The following DSCAM variants were observed in gnomAD, a reference collection of about 807,000 sequenced individuals.
The protein encoded by DSCAM is cell adhesion molecule DSCAM.
DSCAM carries 47 observed loss-of-function variants against 217.7 expected under a neutral mutation model. That is an observed-to-expected ratio of 0.22 (90% CI 0.17 to 0.28). The LOEUF (loss-of-function observed/expected upper bound fraction) is 0.28, where lower values mean the gene tolerates loss of function less well. Ranked by LOEUF, DSCAM falls within the 10% of genes least tolerant of loss-of-function variation. DSCAM has a pLI of 1.00. For missense variants in DSCAM, 2,080 were observed against 2,618.3 expected (o/e 0.79, Z 4.49); for synonymous variants, 1,056 against 1,015.3 (o/e 1.04, Z -0.76).
At chr21:40,186,443 G>A (rs374845317) in intron 14 of DSCAM, among the ~76,000 whole-genome samples, 3 of 152,150 alleles carry the variant, frequency 2.0e-5, no homozygotes, top group African/African-American at 7.2e-5. Flanking sequence ...CTGACTAGAG[G>A]CCACTGTGGT....
intron 11 of DSCAM, among the ~76,000 whole-genome samples, chr21:40,266,634 T>TC (rs1315589047): frequency 4.0e-5 from 4 of 99,990 alleles, no homozygotes; most frequent in East Asian, 3.7e-4. Flanking sequence ...ACAAAGATGT[T>TC]TTATATATAT....
chr21:40,480,459 T>G (rs1310868046), intron 3 of DSCAM, among the ~76,000 whole-genome samples: 2 of 152,210 alleles, frequency 1.3e-5, no homozygotes, highest in Non-Finnish European at 2.9e-5. Flanking sequence ...CACATTAAGT[T>G]CTATGCATAA....
intron 20 of DSCAM, among the ~76,000 whole-genome samples, chr21:40,099,563 A>G (rs1006789118): frequency 6.6e-6 from 1 of 152,206 alleles, no homozygotes; most frequent in African/African-American, 2.4e-5. Context: ...GAAAGTTGAT[A>G]ACTGAACAAT....
At chr21:40,608,247 G>A (rs1273413310) in intron 3 of DSCAM, among the ~76,000 whole-genome samples, 4 of 152,170 alleles carry the variant, frequency 2.6e-5, no homozygotes, top group Non-Finnish European at 4.4e-5. Flanking sequence ...ATTTTGAAAT[G>A]CCATAGCAGT....
At chr21:40,234,920 T>C (rs774523154) in intron 11 of DSCAM, among the ~76,000 whole-genome samples, 8 of 152,148 alleles carry the variant, frequency 5.3e-5, no homozygotes, top group Non-Finnish European at 1.2e-4. Context: ...CGTAAGCATA[T>C]CAGGGCATTA....
At chr21:40,273,564 C>G (rs1478895549) in intron 11 of DSCAM, among the ~76,000 whole-genome samples, 1 of 152,226 alleles carries the variant, frequency 6.6e-6, no homozygotes, top group Non-Finnish European at 1.5e-5. Context: ...CCTATCTAGC[C>G]TCAACAGTCC....
At chr21:40,063,244 C>T (rs886259685) in intron 27 of DSCAM, among the ~76,000 whole-genome samples, 64 of 152,146 alleles carry the variant, frequency 4.2e-4, no homozygotes, top group Admixed American at 3.9e-3. Context: ...ATATCATTTA[C>T]GTTGAACAAA....
intron 1 of DSCAM, among the ~76,000 whole-genome samples, chr21:40,828,300 A>C (rs994681518): frequency 6.6e-6 from 1 of 152,212 alleles, no homozygotes; most frequent in African/African-American, 2.4e-5. Flanking sequence ...GGAGATGTGG[A>C]ATTCTGGACA....
At chr21:40,843,874 T>C (rs1365858299) in intron 1 of DSCAM, among the ~76,000 whole-genome samples, 5 of 151,500 alleles carry the variant, frequency 3.3e-5, no homozygotes. Context: ...GTACTTCTGA[T>C]ACATCAATAA....
chr21:40,517,049 T>C (rs2076306513), intron 3 of DSCAM, among the ~76,000 whole-genome samples: 1 of 147,996 alleles, frequency 6.8e-6, no homozygotes, highest in East Asian at 2.0e-4. Flanking sequence ...ATATACCTTA[T>C]ATACTCTGTG....
chr21:40,292,500 C>CAA lies in DSCAM; in HGVS notation c.2182+3553_2182+3554dup, dbSNP rs202072553. 4.5e-4 allele frequency among the ~76,000 whole-genome samples: 60 copies of CAA among 133,954 alleles called. No individual in the cohort carries two copies. The South Asian group carries it at 9.9e-3, about 22-fold the overall frequency. 87.9% of individuals were successfully genotyped at this position (133,954 alleles called of 152,430 possible). ...ATTTCTCTATCAGATTGGAAAATGT[C>CAA]AAAAAAAAAAAGCCTAATATCCAGT... On this transcript the variant is annotated intron_variant, in intron 10 of 32. Transcript: ENST00000400454.
In DSCAM at chr21:40,630,908, A is replaced by C. The variant is rs1023641011; in HGVS notation, c.508+61902T>G. 14 of 152,210 alleles carry C rather than the reference A, an allele frequency of 9.2e-5. 1 individual carries two copies. Among genetic ancestry groups the C allele is most frequent in the African/African-American group, 3.4e-4 (14 of 41,438 alleles). The allele number at this position is 152,210 out of a possible 1,614,324, so 9.4% of individuals were successfully genotyped here. On this transcript the variant is annotated intron_variant, in intron 3 of 32. Transcript: ENST00000400454. ...GAATGGGCTCAGAGGCTATGAAACG[A>C]AGTCCCCGCTTGAAGAATTCAGGTC...
intron 10 of DSCAM, among the ~76,000 whole-genome samples, chr21:40,279,898 T>C (rs2073736788): frequency 6.6e-6 from 1 of 151,488 alleles, no homozygotes; most frequent in South Asian, 2.1e-4. Context: ...CACTCATAAG[T>C]AGGAATTGAA....
chr21:40,728,883 A>G (rs1004942584), intron 1 of DSCAM, among the ~76,000 whole-genome samples: 1 of 152,126 alleles, frequency 6.6e-6, no homozygotes, highest in Non-Finnish European at 1.5e-5. Context: ...GAAATTAGTT[A>G]CCCTGGATTC....
intron 1 of DSCAM, among the ~76,000 whole-genome samples, chr21:40,717,427 G>A (rs917568501): frequency 6.6e-6 from 1 of 152,250 alleles, no homozygotes; most frequent in African/African-American, 2.4e-5. Flanking sequence ...GGTGGAAACA[G>A]CCTACATGTC....
intron 31 of DSCAM, among the ~76,000 whole-genome samples, chr21:40,043,766 G>A (rs138161934): frequency 6.6e-6 from 1 of 152,182 alleles, no homozygotes; most frequent in Non-Finnish European, 1.5e-5. Flanking sequence ...CAATCACGGG[G>A]GTGAAAATTT....
intron 3 of DSCAM, among the ~76,000 whole-genome samples, chr21:40,547,031 A>G (rs1554936): frequency 0.45 from 68,786 of 151,852 alleles, 16,710 homozygotes; most frequent in Admixed American, 0.55. Context: ...AAATCCCCTC[A>G]TAACATCAAG....
intron 3 of DSCAM, among the ~76,000 whole-genome samples, chr21:40,397,008 T>C (rs1019763450): frequency 2.0e-5 from 3 of 152,134 alleles, no homozygotes; most frequent in African/African-American, 7.2e-5. Flanking sequence ...CTGCTTCCTA[T>C]TGACAAACTC....
chr21:40,031,714 G>A (rs2088528298), intron 32 of DSCAM, among the ~76,000 whole-genome samples: 1 of 152,192 alleles, frequency 6.6e-6, no homozygotes, highest in Admixed American at 6.5e-5. Context: ...GGAGCATACA[G>A]AAAGGTAAGA....
Sources: gnomAD v4.1 joint callset for allele counts (sites outside exome capture counted in the v4.1 genomes callset) on GRCh38, gnomAD v4.1.1 for gene constraint, MANE v1.5 for transcripts, NCBI Gene and HGNC (gene_info 2026-07-23, HGNC 2026-07-21) for gene names.